FXYD5: variants seen among roughly 807,000 people sequenced by gnomAD.
The protein encoded by FXYD5 is FXYD domain-containing ion transport regulator 5.
FXYD5 carries 21 observed loss-of-function variants against 25.7 expected under a neutral mutation model. The ratio of observed to expected loss-of-function variants is 0.82; its 90% CI spans 0.58 to 1.18. FXYD5 has a LOEUF of 1.18. FXYD5 is among the 50% of genes most tolerant of loss of function. The pLI is 0.00. For synonymous variants in FXYD5, 101 were observed against 90.7 expected, an observed-to-expected ratio of 1.11 and a Z score of -0.64; for missense variants, 229 against 227.7, an observed-to-expected ratio of 1.01 and a Z score of -0.04.
intron 5 of FXYD5, among the ~76,000 whole-genome samples, chr19:35,162,051 G>A (rs2065411158): frequency 6.6e-6 from 1 of 152,170 alleles, no homozygotes. Context: ...GTAGGGGTGG[G>A]GGATAGCAGC....
chr19:35,167,701 T>G (rs1029958970), intron 8 of FXYD5, among the ~76,000 whole-genome samples: 6 of 152,242 alleles, frequency 3.9e-5, no homozygotes, highest in Non-Finnish European at 5.9e-5. Flanking sequence ...ACATCTTTTT[T>G]TGCCTTAAGG....
intron 6 of FXYD5, among the ~76,000 whole-genome samples, chr19:35,164,804 G>GA (rs1162330931): frequency 6.6e-6 from 1 of 152,162 alleles, no homozygotes; most frequent in African/African-American, 2.4e-5. Context: ...GAACAAGCCA[G>GA]AAAAAATCTC....
intron 2 of FXYD5, 86 bp from the exon 3 acceptor site, chr19:35,157,335 T>C (rs925272705): frequency 2.6e-5 from 19 of 721,702 alleles, no homozygotes; most frequent in Non-Finnish European, 4.3e-5. Flanking sequence ...ACAGGACCCC[T>C]AAGGTTTCAC....
chr19:35,168,290 A>C (rs926021491), intron 8 of FXYD5, among the ~76,000 whole-genome samples: 1 of 152,196 alleles, frequency 6.6e-6, no homozygotes, highest in Non-Finnish European at 1.5e-5. Flanking sequence ...GATGATAAGC[A>C]AATAAATGCA....
intron 8 of FXYD5, among the ~76,000 whole-genome samples, chr19:35,168,474 G>A (rs1416720804): frequency 6.6e-6 from 1 of 152,204 alleles, no homozygotes; most frequent in African/African-American, 2.4e-5. Context: ...GCAGGAATGA[G>A]CTGCGCCCAT....
At chr19:35,160,927 G>A in intron 5 of FXYD5, 126 bp downstream of exon 5, 1 of 630,682 alleles carries the variant, frequency 1.6e-6, no homozygotes, top group Non-Finnish European at 2.8e-6. Flanking sequence ...TAAAAAAAAT[G>A]TTTTTGGTTT....
chr19:35,155,695 C>CCGTGTGAA, intron 2 of FXYD5, 84 bp downstream of exon 2: 4 of 1,010,672 alleles, frequency 4.0e-6, no homozygotes, highest in South Asian at 3.8e-5. Context: ...GGTGGTTGGC[C>CCGTGTGAA]CGTGTGAACG....
chr19:35,164,132 C>G (rs781519325), intron 5 of FXYD5, 24 bp from the exon 6 acceptor site: 6 of 1,613,858 alleles, frequency 3.7e-6, no homozygotes, highest in Non-Finnish European at 5.1e-6. Context: ...CTCCTGCCCT[C>G]CACTGATCTG....
At chr19:35,163,869 C>G (rs1297654627) in intron 5 of FXYD5, among the ~76,000 whole-genome samples, 1 of 152,140 alleles carries the variant, frequency 6.6e-6, no homozygotes, top group Non-Finnish European at 1.5e-5. Context: ...TCCTTTATCT[C>G]CTGGATTATA....
At chr19:35,168,079 A>G (rs1172678100) in intron 8 of FXYD5, among the ~76,000 whole-genome samples, 2 of 152,052 alleles carry the variant, frequency 1.3e-5, no homozygotes, top group Non-Finnish European at 2.9e-5. Flanking sequence ...TTTACTTAAA[A>G]AAAAAAAAGA....
At chr19:35,166,637 GC>G in intron 8 of FXYD5, 1 of 437,734 alleles carries the variant, frequency 2.3e-6, no homozygotes, top group Admixed American at 4.0e-5. Flanking sequence ...TTGGCTCTTT[GC>G]CACATCATCT....
At position 35,169,788 on chromosome 19, in the gene FXYD5, C is replaced by A; in HGVS notation, c.*173C>A. On this transcript the variant is annotated 3_prime_UTR_variant, in exon 9 of 9. Transcript: ENST00000392219. ...GTCCGAGTCTCCTACCTCCCCCAAC[C>A]CTGCCCGCCCCTGAAGGCTACCTGG... is the stretch of plus-strand genomic sequence containing the variant. 1.6e-6 allele frequency: 1 copy of A among 607,728 alleles called. No individual in the cohort carries two copies. Among genetic ancestry groups the A allele is most frequent in the East Asian group, 2.8e-5 (1 of 35,986 alleles). 37.6% of individuals were successfully genotyped at this position (607,728 alleles called of 1,614,324 possible). A position where few individuals can be genotyped will look rare whatever the true frequency, so the allele number is the denominator to read the frequency against.
chr19:35,161,018 G>C (rs773314961), intron 5 of FXYD5, among the ~76,000 whole-genome samples: 32 of 152,178 alleles, frequency 2.1e-4, no homozygotes, highest in Non-Finnish European at 3.8e-4. Context: ...TCTTCATTAA[G>C]CTAATTTTCA....
At chr19:35,163,617 G>A (rs1050147985) in intron 5 of FXYD5, among the ~76,000 whole-genome samples, 1 of 152,054 alleles carries the variant, frequency 6.6e-6, no homozygotes, top group Non-Finnish European at 1.5e-5. Context: ...AAGTATCTGG[G>A]ATTACAGGTG....
chr19:35,166,705 T>C, intron 8 of FXYD5: 1 of 314,722 alleles, frequency 3.2e-6, no homozygotes, highest in East Asian at 5.0e-5. Flanking sequence ...GGATCTAAGA[T>C]AGAGTGAATG....
intron 5 of FXYD5, among the ~76,000 whole-genome samples, chr19:35,161,211 A>G (rs1198391088): frequency 1.3e-4 from 1 of 7,904 alleles, no homozygotes; most frequent in African/African-American, 9.2e-4. Context: ...AATATAGAAA[A>G]TTCACCTTAA....
chr19:35,155,211 G>C (rs1218511956), intron 1 of FXYD5: 1 of 379,676 alleles, frequency 2.6e-6, no homozygotes, highest in African/African-American at 2.1e-5. Context: ...CCCTCCTTGC[G>C]TCAGTCCCAG....
At position 35,169,562 on chromosome 19, in the gene FXYD5, A is replaced by G; in HGVS notation, c.488-4A>G. ...CGTGACTGAATCATTTCCTTCACCC[A>G]CAGGTGGCAAGTGCAGGCAGCTGTC... On this transcript the variant is annotated splice_polypyrimidine_tract_variant and splice_region_variant and intron_variant, in intron 8 of 8. Coordinates refer to ENST00000392219, the MANE Select transcript of FXYD5 (RefSeq NM_014164.6). 1 of 1,603,846 alleles carries G rather than the reference A, an allele frequency of 6.2e-7. No individual in the cohort carries two copies. Among genetic ancestry groups the G allele is most frequent in the Middle Eastern group, 1.7e-4 (1 of 6,050 alleles).
intron 4 of FXYD5, chr19:35,159,445 G>A: frequency 6.5e-7 from 1 of 1,533,752 alleles, no homozygotes; most frequent in African/African-American, 1.4e-5. Context: ...GCAGTCGTAT[G>A]TTTGGAAGTT....
Sources: allele counts gnomAD v4.1 joint callset (sites outside exome capture counted in the v4.1 genomes callset), GRCh38; gene constraint gnomAD v4.1.1; transcripts MANE v1.5; gene names NCBI Gene and HGNC (gene_info 2026-07-23, HGNC 2026-07-21).